AKAP19: variants seen among roughly 807,000 people sequenced by gnomAD.
AKAP19 encodes small A-kinase anchoring protein.
At chr2:190,173,518 G>A in the AKAP19 span, among the ~76,000 whole-genome samples, 49,799 of 152,058 alleles carry the variant, frequency 0.33, 8,395 homozygotes, top group African/African-American at 0.41. Context: ...CCAAGTGCAC[G>A]TGAATTTATA....
the AKAP19 span, among the ~76,000 whole-genome samples, chr2:190,166,886 A>AAAAGAAAAAAG: frequency 2.0e-5 from 3 of 150,786 alleles, no homozygotes; most frequent in Non-Finnish European, 4.4e-5. Flanking sequence ...AGCCAGCAAA[A>AAAAGAAAAAAG]AAAGAAAAAA....
chr2:190,035,633 C>T, the AKAP19 span, among the ~76,000 whole-genome samples: 2 of 134,668 alleles, frequency 1.5e-5, no homozygotes, highest in Non-Finnish European at 3.1e-5. Flanking sequence ...GATTTATTTT[C>T]ATTCCTGGAA....
the AKAP19 span, among the ~76,000 whole-genome samples, chr2:190,017,559 G>A: frequency 1.3e-5 from 2 of 151,806 alleles, no homozygotes; most frequent in African/African-American, 2.4e-5. Flanking sequence ...ACTCCCCTCC[G>A]CCATTTTACA....
the AKAP19 span, among the ~76,000 whole-genome samples, chr2:190,164,724 A>G: frequency 2.5e-4 from 38 of 152,212 alleles, no homozygotes; most frequent in Admixed American, 2.4e-3. Context: ...GAGGAATGCT[A>G]TTAGTTCTCA....
the AKAP19 span, chr2:190,062,334 C>T: frequency 1.5e-3 from 2,494 of 1,613,274 alleles, 1 homozygote; most frequent in Non-Finnish European, 1.7e-3. Context: ...AATCAGTTCC[C>T]GGAGTGGAGG....
chr2:190,022,346 G>A, the AKAP19 span, among the ~76,000 whole-genome samples: 2 of 152,124 alleles, frequency 1.3e-5, no homozygotes, highest in Non-Finnish European at 2.9e-5. Flanking sequence ...GACATGGGGT[G>A]TGTACAAAGG....
chr2:190,080,865 T>A, the AKAP19 span, among the ~76,000 whole-genome samples: 1 of 152,088 alleles, frequency 6.6e-6, no homozygotes, highest in Admixed American at 6.5e-5. Context: ...ATTGAAGCAC[T>A]GAGATGTAAG....
chr2:190,035,255 A>AC, the AKAP19 span, among the ~76,000 whole-genome samples: 1 of 151,910 alleles, frequency 6.6e-6, no homozygotes, highest in Non-Finnish European at 1.5e-5. Flanking sequence ...ACACAGTGAA[A>AC]CCCCATCTCT....
chr2:190,139,249 A>T, the AKAP19 span, among the ~76,000 whole-genome samples: 1 of 152,186 alleles, frequency 6.6e-6, no homozygotes, highest in African/African-American at 2.4e-5. Flanking sequence ...TTAAAGTTAC[A>T]GTAGAAGGAT....
chr2:189,978,900 A>C, the AKAP19 span, among the ~76,000 whole-genome samples: 3 of 152,086 alleles, frequency 2.0e-5, no homozygotes, highest in African/African-American at 7.2e-5. Flanking sequence ...CCAGGTAATT[A>C]AATGTATACC....
At chr2:190,019,708 A>G in the AKAP19 span, among the ~76,000 whole-genome samples, 1 of 152,058 alleles carries the variant, frequency 6.6e-6, no homozygotes, top group Non-Finnish European at 1.5e-5. Flanking sequence ...GAATACTTTG[A>G]CAACTGGATA....
chr2:189,906,728 TCA>T, the AKAP19 span, among the ~76,000 whole-genome samples: 1 of 152,166 alleles, frequency 6.6e-6, no homozygotes, highest in African/African-American at 2.4e-5. Context: ...TTTGAACATT[TCA>T]GTTGTTATAA....
chr2:190,153,489 A>G, the AKAP19 span, among the ~76,000 whole-genome samples: 1 of 152,208 alleles, frequency 6.6e-6, no homozygotes, highest in African/African-American at 2.4e-5. Flanking sequence ...TTTAGGAAGA[A>G]TATCTTCAGT....
the AKAP19 span, among the ~76,000 whole-genome samples, chr2:189,994,112 G>A: frequency 1.3e-5 from 2 of 151,394 alleles, no homozygotes; most frequent in Admixed American, 1.3e-4. Context: ...CTGGGTTCAA[G>A]CGATTCTCCT....
the AKAP19 span, chr2:190,062,221 T>C: frequency 1.9e-6 from 3 of 1,612,810 alleles, no homozygotes; most frequent in East Asian, 2.2e-5. Context: ...TAGGACTACT[T>C]ACACTCTGTA....
chr2:190,023,435 G>T, the AKAP19 span, among the ~76,000 whole-genome samples: 1 of 151,988 alleles, frequency 6.6e-6, no homozygotes, highest in Non-Finnish European at 1.5e-5. Flanking sequence ...ATATTATGGT[G>T]TAAAACAAAA....
the AKAP19 span, among the ~76,000 whole-genome samples, chr2:190,156,637 C>T: frequency 4.6e-5 from 7 of 152,094 alleles, no homozygotes; most frequent in African/African-American, 4.8e-5. Context: ...AAAGGGAATC[C>T]AAATGGCCAA....
chr2:189,970,908 A>G, the AKAP19 span, among the ~76,000 whole-genome samples: 39 of 152,224 alleles, frequency 2.6e-4, no homozygotes, highest in South Asian at 8.1e-3. Context: ...TATGGCTGTA[A>G]TTTGCATTTT....
At chr2:189,904,083 T>G in the AKAP19 span, among the ~76,000 whole-genome samples, 9 of 152,234 alleles carry the variant, frequency 5.9e-5, no homozygotes, top group East Asian at 1.5e-3. Flanking sequence ...TTACTTTCTT[T>G]GATTTATGTA....
Sources: gnomAD v4.1 joint callset for allele counts (sites outside exome capture counted in the v4.1 genomes callset) on GRCh38, gnomAD v4.1.1 for gene constraint, MANE v1.5 for transcripts, NCBI Gene and HGNC (gene_info 2026-07-23, HGNC 2026-07-21) for gene names.